The following F2RL1 variants were observed in gnomAD, a reference collection of about 807,000 sequenced individuals.
The protein encoded by F2RL1 is F2R like trypsin receptor 1, also known as proteinase-activated receptor 2.
Under a neutral mutation model 21.7 loss-of-function variants are expected in F2RL1, and 16 were observed. The ratio of observed to expected loss-of-function variants is 0.74; its 90% CI spans 0.50 to 1.12. The LOEUF is 1.12. F2RL1 is among the 50% of genes most tolerant of loss of function. The pLI is 0.00. For synonymous variants in F2RL1, 181 were observed against 186.7 expected (o/e 0.97, Z 0.25); for missense variants, 432 against 477.8 (o/e 0.90, Z 0.89).
intron 1 of F2RL1, among the ~76,000 whole-genome samples, chr5:76,831,417 C>CTA (rs1158237979): frequency 6.6e-6 from 1 of 151,854 alleles, no homozygotes; most frequent in African/African-American, 2.4e-5. Flanking sequence ...TGGCTCAGGG[C>CTA]TAGAGTGGGA....
chr5:76,821,162 C>T (rs915345051), intron 1 of F2RL1, among the ~76,000 whole-genome samples: 1 of 152,184 alleles, frequency 6.6e-6, no homozygotes, highest in Non-Finnish European at 1.5e-5. Flanking sequence ...ACAACCTTCT[C>T]AGGGTACAGG....
intron 1 of F2RL1, among the ~76,000 whole-genome samples, chr5:76,824,802 G>T (rs902837206): frequency 2.6e-5 from 4 of 152,040 alleles, no homozygotes; most frequent in East Asian, 3.9e-4. Flanking sequence ...TTAAAATTTT[G>T]ATATGTTTTG....
At chr5:76,825,158 A>G (rs1410694194) in intron 1 of F2RL1, among the ~76,000 whole-genome samples, 1 of 151,734 alleles carries the variant, frequency 6.6e-6, no homozygotes, top group Admixed American at 6.6e-5. Flanking sequence ...AGGCGCGTGC[A>G]CTACACTTAG....
chr5:76,820,374 A>G (rs928406836), intron 1 of F2RL1, among the ~76,000 whole-genome samples: 10 of 152,112 alleles, frequency 6.6e-5, no homozygotes, highest in Middle Eastern at 3.2e-3. Context: ...TCCTCTTCAT[A>G]AAGACGAAGT....
In F2RL1 at chr5:76,833,415, C is replaced by T. The variant is rs369747168; in HGVS notation, c.808C>T (p.Arg270Ter). The T allele has an allele frequency of 1.2e-5, 19 of 1,613,782 alleles. No homozygotes were observed. Among genetic ancestry groups the T allele is most frequent in the African/African-American group, 4.0e-5 (3 of 74,844 alleles). The stretch of plus-strand genomic sequence containing the variant: ...CTATGTGCTGATGATCAGAATGCTG[C>T]GATCTTCTGCCATGGATGAAAACTC... ...SAYVLMIRML[R>*]SSAMDENSEK... Residue 270 changes from arginine (R) to a stop codon, truncating the protein, a stop_gained, in exon 2 of 2, where the codon CGA (arginine) becomes TGA (stop). Transcript: ENST00000296677. LOFTEE classifies it high-confidence loss of function.
At position 76,833,871 on chromosome 5, in the gene F2RL1, C is replaced by CT. The variant is rs1750408411; in HGVS notation, c.*71dup. 1 of 1,490,594 alleles carries CT rather than the reference C, an allele frequency of 6.7e-7. No homozygotes were observed. Among genetic ancestry groups the CT allele is most frequent in the Non-Finnish European group, 9.1e-7 (1 of 1,101,202 alleles). The allele number at this position is 1,490,594 out of a possible 1,614,324, so 92.3% of individuals were successfully genotyped here. On this transcript the variant is annotated 3_prime_UTR_variant, in exon 2 of 2. Transcript: ENST00000296677. ...CCTGTTTAATGTTATGAGGACGTGT[C>CT]TGTTATTTCCTAATCAAAAAGGTCT...
In F2RL1 at chr5:76,833,013, A is replaced by G; in HGVS notation, c.406A>G (p.Ile136Val). The G allele has an allele frequency of 1.2e-6, 2 of 1,614,160 alleles. No homozygotes were observed. Among genetic ancestry groups the G allele is most frequent in the Non-Finnish European group, 1.7e-6 (2 of 1,179,982 alleles). Residue 136 changes from isoleucine to valine, a missense_variant, in exon 2 of 2, where the codon ATA becomes GTA. Transcript: ENST00000296677. ...GTTCCCCTTGAAGATTGCCTATCAC[A>G]TACATGGCAACAACTGGATTTATGG... ...IWFPLKIAYH[I>V]HGNNWIYGEA...
chr5:76,824,823 C>A (rs1750209196), intron 1 of F2RL1, among the ~76,000 whole-genome samples: 1 of 151,904 alleles, frequency 6.6e-6, no homozygotes, highest in South Asian at 2.1e-4. Flanking sequence ...CCAAATTACC[C>A]ACCAAAAATA....
chr5:76,828,751 C>T (rs1002338652), intron 1 of F2RL1, among the ~76,000 whole-genome samples: 8 of 151,910 alleles, frequency 5.3e-5, no homozygotes, highest in Non-Finnish European at 7.4e-5. Context: ...ACGTCAGCCT[C>T]GCAAAGCACT....
At chr5:76,824,130 G>C (rs1004710773) in intron 1 of F2RL1, among the ~76,000 whole-genome samples, 2 of 150,462 alleles carry the variant, frequency 1.3e-5, no homozygotes. Context: ...CTTTTATAGG[G>C]GGGTAATTGA....
At chr5:76,830,124 C>T (rs1303844111) in intron 1 of F2RL1, among the ~76,000 whole-genome samples, 1 of 152,160 alleles carries the variant, frequency 6.6e-6, no homozygotes, top group Non-Finnish European at 1.5e-5. Flanking sequence ...AGGGAGAGTC[C>T]ATTCCTTGCC....
chr5:76,833,410 T>C lies in F2RL1; in HGVS notation c.803T>C (p.Met268Thr), dbSNP rs1181438604. The C allele has an allele frequency of 2.5e-6, 4 of 1,613,900 alleles. No homozygotes were observed. The highest frequency in any genetic ancestry group is 3.4e-6 in the Non-Finnish European group (4 of 1,180,034). ...TCTGCCTATGTGCTGATGATCAGAA[T>C]GCTGCGATCTTCTGCCATGGATGAA... ...TASAYVLMIR[M>T]LRSSAMDENS... Residue 268 changes from methionine to threonine, a missense_variant, in exon 2 of 2, where the codon ATG becomes ACG. Met to Thr is a moderately conservative substitution (Grantham distance 81). Transcript: ENST00000296677.
chr5:76,824,750 A>G (rs1203216419), intron 1 of F2RL1, among the ~76,000 whole-genome samples: 1 of 152,236 alleles, frequency 6.6e-6, no homozygotes, highest in Non-Finnish European at 1.5e-5. Context: ...GGTGCAGGGC[A>G]AATTCCTAGA....
At chr5:76,827,539 G>C (rs922692417) in intron 1 of F2RL1, among the ~76,000 whole-genome samples, 2 of 149,596 alleles carry the variant, frequency 1.3e-5, no homozygotes, top group Non-Finnish European at 3.0e-5. Flanking sequence ...GAACATTTGT[G>C]TACAGGTTTT....
In F2RL1 at chr5:76,834,419, A is replaced by G. The variant is rs1220214976; in HGVS notation, c.*618A>G. ...AGCACTTTGGGAGGCTGAGGCAGGC[A>G]ATCACTTGAGGTCAGGAGTTCGAGA... On this transcript the variant is annotated 3_prime_UTR_variant, in exon 2 of 2. Transcript: ENST00000296677. 6.6e-6 allele frequency: 1 copy of G among 152,152 alleles called. No homozygotes were observed. The highest frequency in any genetic ancestry group is 1.5e-5 in the Non-Finnish European group (1 of 68,064). 9.4% of individuals were successfully genotyped at this position (152,152 alleles called of 1,614,324 possible).
chr5:76,827,280 G>A (rs1165312053), intron 1 of F2RL1, among the ~76,000 whole-genome samples: 1 of 138,818 alleles, frequency 7.2e-6, no homozygotes. Flanking sequence ...AGGAGATCGA[G>A]ACCATCCTGG....
rs955516364 is a variant in F2RL1, at chr5:76,834,842, G to A, written c.*1041G>A. The A allele has an allele frequency of 1.3e-5, 2 of 152,214 alleles. No homozygotes were observed. The highest frequency in any genetic ancestry group is 6.5e-5 in the Admixed American group (1 of 15,274). The allele number at this position is 152,214 out of a possible 1,614,324, so 9.4% of individuals were successfully genotyped here. On this transcript the variant is annotated 3_prime_UTR_variant, in exon 2 of 2. Coordinates refer to ENST00000296677, the MANE Select transcript of F2RL1 (RefSeq NM_005242.6). ...TTTTTGAAAAGAGAAGCAAACAATG[G>A]TGTCTCTTTTATGTTCAGCTTATAA...
chr5:76,830,802 A>G (rs1360732421), intron 1 of F2RL1, among the ~76,000 whole-genome samples: 1 of 152,220 alleles, frequency 6.6e-6, no homozygotes, highest in Non-Finnish European at 1.5e-5. Context: ...ACATCCCCCA[A>G]CACTCCACCC....
At chr5:76,826,895 C>T (rs2243038) in intron 1 of F2RL1, among the ~76,000 whole-genome samples, 1,974 of 144,786 alleles carry the variant, frequency 0.014, 42 homozygotes, top group African/African-American at 0.049. Flanking sequence ...AGACAGGGTC[C>T]TGCTCTGTTG....
Sources: allele counts gnomAD v4.1 joint callset (sites outside exome capture counted in the v4.1 genomes callset), GRCh38; gene constraint gnomAD v4.1.1; transcripts MANE v1.5; gene names NCBI Gene and HGNC (gene_info 2026-07-23, HGNC 2026-07-21).